The following ANKRD33B variants were observed in gnomAD, a reference collection of about 807,000 sequenced individuals.
ANKRD33B encodes the protein ankyrin repeat domain 33B.
A neutral mutation model predicts 21.5 loss-of-function variants in ANKRD33B; 6 were observed. The ratio of observed to expected loss-of-function variants is 0.28; its 90% confidence interval spans 0.15 to 0.55. The LOEUF (loss-of-function observed/expected upper bound fraction) is 0.55, where lower values mean the gene tolerates loss of function less well. ANKRD33B is among the 20% of genes least tolerant of loss of function. ANKRD33B has a pLI of 0.94. For missense variants in ANKRD33B, 698 were observed against 747.2 expected, an observed-to-expected ratio of 0.93 and a Z score of 0.77; for synonymous variants, 347 against 342.4, an observed-to-expected ratio of 1.01 and a Z score of -0.15.
intron 2 of ANKRD33B, among the ~76,000 whole-genome samples, chr5:10,633,918 C>T (rs4702715): frequency 0.42 from 63,984 of 152,004 alleles, 13,711 homozygotes; most frequent in Middle Eastern, 0.56. Context: ...TCTCTCCCTC[C>T]TCCCCCGTTT....
At chr5:10,640,456 C>T (rs1262976065) in intron 3 of ANKRD33B, among the ~76,000 whole-genome samples, 1 of 152,188 alleles carries the variant, frequency 6.6e-6, no homozygotes, top group African/African-American at 2.4e-5. Context: ...TGCCACACAA[C>T]TAATAGCTTT....
chr5:10,600,593 T>G (rs1344782428), intron 1 of ANKRD33B, among the ~76,000 whole-genome samples: 2 of 152,364 alleles, frequency 1.3e-5, no homozygotes, highest in East Asian at 3.9e-4. Flanking sequence ...TTTGCAATTT[T>G]GGGATATTAT....
At chr5:10,640,828 A>C (rs1371149436) in intron 3 of ANKRD33B, among the ~76,000 whole-genome samples, 1 of 152,228 alleles carries the variant, frequency 6.6e-6, no homozygotes, top group Non-Finnish European at 1.5e-5. Context: ...TGAGAAGTCC[A>C]AGATCAAGGT....
Position 10,637,889 on chromosome 5 carries a change from G to A in ANKRD33B, c.497-139G>A, listed in dbSNP as rs947746512. The stretch of plus-strand genomic sequence containing the variant: ...GGGCTCCAGGAGAATTCTGTCTTGG[G>A]GTCCGAGAAAAACTCACACAGCAGA... On this transcript the variant is annotated intron_variant, in intron 2 of 3. Coordinates refer to ENST00000296657, the MANE Select transcript of ANKRD33B (RefSeq NM_001164440.2). The A allele has an allele frequency of 3.2e-6, 3 of 948,680 alleles. No homozygotes were observed. The East Asian group carries it at 8.0e-5, about 25-fold the overall frequency. 58.8% of individuals were successfully genotyped at this position (948,680 alleles called of 1,614,324 possible). A position where few individuals can be genotyped will look rare whatever the true frequency, so the allele number is the denominator to read the frequency against.
At chr5:10,586,998 T>A (rs1735579634) in intron 1 of ANKRD33B, among the ~76,000 whole-genome samples, 1 of 150,642 alleles carries the variant, frequency 6.6e-6, no homozygotes, top group Non-Finnish European at 1.5e-5. Flanking sequence ...TTTTAGTGAT[T>A]TTATTTATTA....
intron 3 of ANKRD33B, among the ~76,000 whole-genome samples, chr5:10,648,865 TCAC>T (rs1737249252): frequency 1.3e-5 from 2 of 152,206 alleles, no homozygotes; most frequent in Non-Finnish European, 2.9e-5. Context: ...GCACGGTGGC[TCAC>T]GCCCGTAATC....
At chr5:10,571,611 T>G (rs1266399496) in intron 1 of ANKRD33B, among the ~76,000 whole-genome samples, 1 of 152,174 alleles carries the variant, frequency 6.6e-6, no homozygotes, top group Admixed American at 6.5e-5. Flanking sequence ...TTTTTTTAGA[T>G]TGAGGAAATA....
rs559490581 is a variant in ANKRD33B, at chr5:10,594,061, C to T, written c.367-24272C>T. The stretch of plus-strand genomic sequence containing the variant: ...TCAGCTCACGGGGATTTTCTCTCCT[C>T]TCCAAGGGCAGGAATTCTCTTCATT... On this transcript the variant is annotated intron_variant, in intron 1 of 3. Transcript: ENST00000296657. 2.6e-5 allele frequency among the ~76,000 whole-genome samples: 4 copies of T among 152,246 alleles called. No individual in the cohort carries two copies. The South Asian group carries it at 8.3e-4, about 32-fold the overall frequency.
rs945099810 is a variant in ANKRD33B, at chr5:10,564,186, G to A, written c.-282G>A. On this transcript the variant is annotated 5_prime_UTR_variant, in exon 1 of 4. Coordinates refer to ENST00000296657, the MANE Select transcript of ANKRD33B (RefSeq NM_001164440.2). The stretch of plus-strand genomic sequence containing the variant: ...CCTGGCTCTGAACTCTGGCCAGGAA[G>A]GGGCGCGAGGGGAAGGCCCCGGGGG... 16 of 153,902 alleles carry A rather than the reference G, an allele frequency of 1.0e-4. No individual in the cohort carries two copies. The highest frequency in any genetic ancestry group is 5.7e-4 in the East Asian group (3 of 5,234). The allele number at this position is 153,902 out of a possible 1,614,324, so 9.5% of individuals were successfully genotyped here. A position where few individuals can be genotyped will look rare whatever the true frequency, so the allele number is the denominator to read the frequency against.
chr5:10,584,859 G>A (rs1735520505), intron 1 of ANKRD33B, among the ~76,000 whole-genome samples: 1 of 152,214 alleles, frequency 6.6e-6, no homozygotes, highest in South Asian at 2.1e-4. Flanking sequence ...GGGTTTTGCA[G>A]CACTGGGCTG....
chr5:10,639,659 C>T (rs1266572029), intron 3 of ANKRD33B, among the ~76,000 whole-genome samples: 1 of 46,538 alleles, frequency 2.1e-5, no homozygotes, highest in Non-Finnish European at 3.9e-5. Context: ...GCGATGTTAG[C>T]GGGTGACGTG....
intron 1 of ANKRD33B, among the ~76,000 whole-genome samples, chr5:10,587,141 A>G (rs1193726580): frequency 6.6e-6 from 1 of 152,098 alleles, no homozygotes; most frequent in Non-Finnish European, 1.5e-5. Context: ...CAGCCTCCCA[A>G]GTAGCTGGGA....
intron 1 of ANKRD33B, among the ~76,000 whole-genome samples, chr5:10,565,408 C>A (rs558092738): frequency 1.0e-3 from 158 of 152,356 alleles, no homozygotes; most frequent in African/African-American, 3.8e-3. Flanking sequence ...TACCCCACCT[C>A]CGCTGAGCTT....
intron 1 of ANKRD33B, among the ~76,000 whole-genome samples, chr5:10,603,139 C>A (rs887362248): frequency 2.0e-5 from 3 of 151,926 alleles, no homozygotes; most frequent in African/African-American, 7.3e-5. Flanking sequence ...ATTCTCCCAA[C>A]TCTTTCTAGA....
At chr5:10,632,401 C>T (rs571406150) in intron 2 of ANKRD33B, among the ~76,000 whole-genome samples, 69 of 152,268 alleles carry the variant, frequency 4.5e-4, no homozygotes, top group Middle Eastern at 6.8e-3. Context: ...CGGTCGGGCC[C>T]GGGTGGCGTG....
At chr5:10,588,226 T>C (rs961190892) in intron 1 of ANKRD33B, among the ~76,000 whole-genome samples, 2 of 152,240 alleles carry the variant, frequency 1.3e-5, no homozygotes, top group Non-Finnish European at 2.9e-5. Context: ...ATTTGAGGTA[T>C]AACTTTAGCG....
At position 10,623,722 on chromosome 5, in the gene ANKRD33B, C is replaced by A. The variant is rs568436045; in HGVS notation, c.496+5260C>A. Among the ~76,000 whole-genome samples the A allele has an allele frequency of 7.2e-5, 11 of 152,304 alleles. No homozygotes were observed. The East Asian group carries it at 2.1e-3, about 29-fold the overall frequency. On this transcript the variant is annotated intron_variant, in intron 2 of 3. Transcript: ENST00000296657. The stretch of plus-strand genomic sequence containing the variant: ...CGTGCTGCCAGACAGAGCTGGAGTC[C>A]AAGTCAGGTAGCAGGATCGGGTGGC...
intron 3 of ANKRD33B, among the ~76,000 whole-genome samples, chr5:10,648,825 A>G (rs527970973): frequency 3.6e-4 from 54 of 150,518 alleles, no homozygotes; most frequent in Middle Eastern, 3.6e-3. Context: ...CAGATAATCA[A>G]TGGAGCACTT....
At chr5:10,649,224 TG>T in intron 3 of ANKRD33B, 41 bp from the exon 4 acceptor site, 1 of 1,486,186 alleles carries the variant, frequency 6.7e-7, no homozygotes. Context: ...GAAGAGTCCT[TG>T]TTGCCGCCAC....
Sources: allele counts gnomAD v4.1 joint callset (sites outside exome capture counted in the v4.1 genomes callset), GRCh38; gene constraint gnomAD v4.1.1; transcripts MANE v1.5; gene names NCBI Gene and HGNC (gene_info 2026-07-23, HGNC 2026-07-21).